CNBD1: variants seen among roughly 807,000 people sequenced by gnomAD.
CNBD1 encodes cyclic nucleotide-binding domain-containing protein 1.
In CNBD1, 71 loss-of-function variants were observed where a neutral mutation model predicts 54.4. That is an observed-to-expected ratio of 1.30 (90% CI 1.08 to 1.59). CNBD1 has a LOEUF of 1.59. CNBD1 is among the 40% of genes most tolerant of loss of function. The pLI is 0.00. For synonymous variants in CNBD1, 182 were observed against 170.7 expected, an observed-to-expected ratio of 1.07 and a Z score of -0.51; for missense variants, 659 against 518.0, an observed-to-expected ratio of 1.27 and a Z score of -2.64.
At chr8:86,932,107 C>T (rs954755401) in intron 3 of CNBD1, among the ~76,000 whole-genome samples, 23 of 152,254 alleles carry the variant, frequency 1.5e-4, no homozygotes, top group South Asian at 1.2e-3. Flanking sequence ...TCTCCAAAGT[C>T]TCGGGCTGCA....
chr8:87,074,469 G>A (rs1375412983), intron 4 of CNBD1, among the ~76,000 whole-genome samples: 2 of 152,124 alleles, frequency 1.3e-5, no homozygotes, highest in South Asian at 2.1e-4. Flanking sequence ...TCCTGGGGCT[G>A]GAGTATGTAA....
intron 2 of CNBD1, among the ~76,000 whole-genome samples, chr8:87,400,426 A>G (rs745928022): frequency 6.6e-6 from 1 of 151,980 alleles, no homozygotes; most frequent in African/African-American, 2.4e-5. Context: ...AAAAATCAAT[A>G]TTTGGTTAAA....
At chr8:86,982,424 G>C (rs977730082) in intron 4 of CNBD1, among the ~76,000 whole-genome samples, 5 of 152,048 alleles carry the variant, frequency 3.3e-5, no homozygotes, top group African/African-American at 1.2e-4. Context: ...TAGGGTTTTA[G>C]CTCTTCATGT....
At chr8:87,080,407 C>A (rs575262107) in intron 4 of CNBD1, among the ~76,000 whole-genome samples, 1 of 152,084 alleles carries the variant, frequency 6.6e-6, no homozygotes, top group South Asian at 2.1e-4. Context: ...CATGGTGAAA[C>A]CCCGTCTCTA....
At chr8:86,887,641 C>T in intron 2 of CNBD1, 30 bp downstream of exon 2, 2 of 1,472,380 alleles carry the variant, frequency 1.4e-6, no homozygotes, top group Non-Finnish European at 9.3e-7. Flanking sequence ...CTTTTTCTGT[C>T]ATTCAAATGA....
chr8:86,900,722 C>G (rs1453178049), intron 2 of CNBD1, among the ~76,000 whole-genome samples: 2 of 152,098 alleles, frequency 1.3e-5, no homozygotes, highest in Non-Finnish European at 2.9e-5. Flanking sequence ...GGTTACAGGA[C>G]TTCAGTTTTA....
At chr8:87,046,642 T>C (rs73690001) in intron 4 of CNBD1, among the ~76,000 whole-genome samples, 3,965 of 152,212 alleles carry the variant, frequency 0.026, 172 homozygotes, top group African/African-American at 0.088. Flanking sequence ...TTGCATCCGC[T>C]TCATAAAGAG....
intron 4 of CNBD1, among the ~76,000 whole-genome samples, chr8:86,972,459 G>A (rs1808246103): frequency 6.6e-6 from 1 of 152,126 alleles, no homozygotes; most frequent in Non-Finnish European, 1.5e-5. Context: ...CAACTTTGTA[G>A]ATATAACATC....
chr8:87,153,130 G>T (rs1812640845), intron 4 of CNBD1, among the ~76,000 whole-genome samples: 1 of 152,082 alleles, frequency 6.6e-6, no homozygotes, highest in Non-Finnish European at 1.5e-5. Flanking sequence ...TTTTCTGCTT[G>T]TTGATGACTT....
intron 4 of CNBD1, among the ~76,000 whole-genome samples, chr8:86,998,904 C>T (rs933470441): frequency 2.0e-5 from 3 of 152,124 alleles, no homozygotes; most frequent in Admixed American, 6.6e-5. Flanking sequence ...CACAATCCAC[C>T]TCTGTGTAAC....
chr8:87,368,902 A>C (rs1810699982), intron 10 of CNBD1, among the ~76,000 whole-genome samples: 1 of 151,816 alleles, frequency 6.6e-6, no homozygotes, highest in Non-Finnish European at 1.5e-5. Flanking sequence ...CCGCTTCCAA[A>C]TGTCAGATTC....
chr8:87,019,437 G>A (rs1809436743), intron 4 of CNBD1, among the ~76,000 whole-genome samples: 1 of 152,100 alleles, frequency 6.6e-6, no homozygotes, highest in Non-Finnish European at 1.5e-5. Context: ...CCAGTATATG[G>A]TGCAATACAA....
intron 4 of CNBD1, among the ~76,000 whole-genome samples, chr8:87,010,759 A>G (rs1809203036): frequency 6.6e-6 from 1 of 152,162 alleles, no homozygotes; most frequent in African/African-American, 2.4e-5. Context: ...ATGGAAAACA[A>G]AAAACTCCCA....
At chr8:86,879,541 T>C (rs367642096) in intron 1 of CNBD1, among the ~76,000 whole-genome samples, 1 of 152,180 alleles carries the variant, frequency 6.6e-6, no homozygotes, top group Admixed American at 6.5e-5. Context: ...AGACAAGATA[T>C]GTTCATGGAG....
chr8:87,316,064 A>T (rs1809377582), intron 8 of CNBD1, among the ~76,000 whole-genome samples: 1 of 152,076 alleles, frequency 6.6e-6, no homozygotes, highest in Admixed American at 6.6e-5. Flanking sequence ...AGAGTAATAT[A>T]CTTGATCTTA....
At chr8:86,951,988 T>C (rs1360051376) in intron 4 of CNBD1, among the ~76,000 whole-genome samples, 2 of 152,122 alleles carry the variant, frequency 1.3e-5, no homozygotes, top group Admixed American at 6.6e-5. Flanking sequence ...CAAACAGAAC[T>C]CAGCAGAAAC....
intron 8 of CNBD1, among the ~76,000 whole-genome samples, chr8:87,301,473 C>CAAA (rs1368277125): frequency 6.6e-6 from 1 of 152,010 alleles, no homozygotes; most frequent in East Asian, 1.9e-4. Context: ...CTAAATCCAA[C>CAAA]AACATATCAA....
At chr8:87,385,693 A>G (rs1263243192), downstream of CNBD1, among the ~76,000 whole-genome samples, 1 of 152,200 alleles carries the variant, frequency 6.6e-6, no homozygotes, top group Non-Finnish European at 1.5e-5. Flanking sequence ...CTCTGGGGGC[A>G]GGGCATAGCC....
At chr8:87,369,962 G>C (rs985414633) in intron 10 of CNBD1, among the ~76,000 whole-genome samples, 1 of 151,840 alleles carries the variant, frequency 6.6e-6, no homozygotes, top group African/African-American at 2.4e-5. Context: ...CCATCTATGA[G>C]TGAGAACATG....
Sources: gnomAD v4.1 joint callset for allele counts (sites outside exome capture counted in the v4.1 genomes callset) on GRCh38, gnomAD v4.1.1 for gene constraint, MANE v1.5 for transcripts, NCBI Gene and HGNC (gene_info 2026-07-23, HGNC 2026-07-21) for gene names.